Variants in ROBO2 observed in about 807,000 individuals in gnomAD.
ROBO2 encodes the protein roundabout guidance receptor 2.
In ROBO2, 53 loss-of-function variants were observed where a neutral mutation model predicts 160.8. The ratio of observed to expected loss-of-function variants is 0.33; its 90% CI spans 0.26 to 0.41. The LOEUF (loss-of-function observed/expected upper bound fraction) is 0.41. Ranked by LOEUF, ROBO2 falls within the 10% of genes least tolerant of loss-of-function variation. ROBO2 has a pLI of 1.00. For synonymous variants in ROBO2, 664 were observed against 611.7 expected (o/e 1.09, Z -1.26); for missense variants, 1,577 against 1,722.4 (o/e 0.92, Z 1.49).
intron 2 of ROBO2, among the ~76,000 whole-genome samples, chr3:77,022,807 A>G (rs1289211251): frequency 6.6e-6 from 1 of 152,202 alleles, no homozygotes. Context: ...CATAAAATTT[A>G]CCATTTTAAC....
At chr3:77,478,699 C>T (rs1339434370) in intron 3 of ROBO2, among the ~76,000 whole-genome samples, 1 of 151,952 alleles carries the variant, frequency 6.6e-6, no homozygotes, top group Non-Finnish European at 1.5e-5. Flanking sequence ...AATAAATGTG[C>T]CATTTTAATA....
chr3:76,289,176 A>G (rs1193797620), intron 2 of ROBO2, among the ~76,000 whole-genome samples: 2 of 152,124 alleles, frequency 1.3e-5, no homozygotes, highest in African/African-American at 2.4e-5. Context: ...TGACCCTTTA[A>G]TTATAGCCAT....
At chr3:76,433,659 C>G (rs1384976205) in intron 2 of ROBO2, among the ~76,000 whole-genome samples, 1 of 152,128 alleles carries the variant, frequency 6.6e-6, no homozygotes, top group Non-Finnish European at 1.5e-5. Context: ...AAGAAGATGA[C>G]AGAACAATTG....
intron 2 of ROBO2, among the ~76,000 whole-genome samples, chr3:76,117,721 C>A (rs2070535723): frequency 6.6e-6 from 1 of 152,246 alleles, no homozygotes; most frequent in African/African-American, 2.4e-5. Context: ...ATTCTATGTT[C>A]CCTGCTCTTC....
chr3:76,646,298 C>T (rs1251184345), intron 2 of ROBO2, among the ~76,000 whole-genome samples: 8 of 152,064 alleles, frequency 5.3e-5, no homozygotes, highest in Non-Finnish European at 1.2e-4. Context: ...AGAAAGCCAA[C>T]GCCGATGCAG....
At chr3:77,577,960 G>A (rs2093812095) in intron 15 of ROBO2, among the ~76,000 whole-genome samples, 1 of 152,010 alleles carries the variant, frequency 6.6e-6, no homozygotes. Context: ...CTGCATAAGA[G>A]GCTTTAAGGC....
chr3:76,425,427 C>T (rs1467704938), intron 2 of ROBO2, among the ~76,000 whole-genome samples: 1 of 151,852 alleles, frequency 6.6e-6, no homozygotes, highest in Non-Finnish European at 1.5e-5. Flanking sequence ...CATTTTAACA[C>T]CTGTAATTAC....
At chr3:77,018,452 A>T (rs2149493770) in intron 2 of ROBO2, among the ~76,000 whole-genome samples, 1 of 152,330 alleles carries the variant, frequency 6.6e-6, no homozygotes, top group East Asian at 1.9e-4. Flanking sequence ...GTATTTTAAA[A>T]GAATTCTATA....
chr3:75,970,050 T>A (rs924604310), intron 2 of ROBO2, among the ~76,000 whole-genome samples: 3 of 151,474 alleles, frequency 2.0e-5, no homozygotes, highest in Non-Finnish European at 3.0e-5. Context: ...CCACCTTGAG[T>A]TGGTTTTGTG....
chr3:77,595,282 A>G, intron 18 of ROBO2, 98 bp downstream of exon 19: 2 of 933,848 alleles, frequency 2.1e-6, no homozygotes, highest in Non-Finnish European at 3.3e-6. Context: ...TGATCACTTA[A>G]AAGTCTGAGA....
chr3:76,010,124 A>G (rs1468591004), intron 2 of ROBO2, among the ~76,000 whole-genome samples: 2 of 152,248 alleles, frequency 1.3e-5, no homozygotes. Flanking sequence ...AAAACTTAAT[A>G]AAAATGTCAA....
At chr3:76,519,251 G>A (rs2081482407) in intron 2 of ROBO2, among the ~76,000 whole-genome samples, 1 of 152,172 alleles carries the variant, frequency 6.6e-6, no homozygotes, top group Non-Finnish European at 1.5e-5. Context: ...TGTGAACAAA[G>A]TTTTACTGGA....
chr3:75,993,628 C>G (rs2065635348), intron 2 of ROBO2, among the ~76,000 whole-genome samples: 2 of 152,126 alleles, frequency 1.3e-5, no homozygotes, highest in Admixed American at 1.3e-4. Flanking sequence ...TAGGTGGAAA[C>G]TGTACCAGCT....
chr3:76,694,690 AC>A (rs2107308084), intron 2 of ROBO2, among the ~76,000 whole-genome samples: 1 of 152,254 alleles, frequency 6.6e-6, no homozygotes, highest in African/African-American at 2.4e-5. Flanking sequence ...GTAAACATAA[AC>A]TTCTAATATA....
chr3:76,726,115 T>G (rs778855105), intron 2 of ROBO2, among the ~76,000 whole-genome samples: 2 of 152,138 alleles, frequency 1.3e-5, no homozygotes, highest in Admixed American at 6.5e-5. Flanking sequence ...AGTAAATTAC[T>G]TCAAAGAAAA....
At chr3:77,152,186 TAC>T (rs1380698883) in intron 2 of ROBO2, among the ~76,000 whole-genome samples, 1 of 152,150 alleles carries the variant, frequency 6.6e-6, no homozygotes, top group Non-Finnish European at 1.5e-5. Flanking sequence ...TCTTCTTATT[TAC>T]AGTTTGCTGG....
At chr3:76,986,996 T>C (rs2060415072) in intron 2 of ROBO2, among the ~76,000 whole-genome samples, 3 of 152,192 alleles carry the variant, frequency 2.0e-5, no homozygotes, top group Admixed American at 2.0e-4. Context: ...CACATCTTAT[T>C]GACAATAAAA....
chr3:76,544,306 T>C (rs916931065), intron 2 of ROBO2, among the ~76,000 whole-genome samples: 1 of 152,132 alleles, frequency 6.6e-6, no homozygotes, highest in East Asian at 1.9e-4. Context: ...TCTTTAAAGG[T>C]TGATTTCACC....
chr3:76,833,014 G>A (rs1197404003), intron 2 of ROBO2, among the ~76,000 whole-genome samples: 1 of 152,048 alleles, frequency 6.6e-6, no homozygotes, highest in Non-Finnish European at 1.5e-5. Flanking sequence ...ATTTTAGGGA[G>A]AAAAAATTAT....
Sources: allele counts gnomAD v4.1 joint callset (sites outside exome capture counted in the v4.1 genomes callset), GRCh38; gene constraint gnomAD v4.1.1; transcripts MANE v1.5; gene names NCBI Gene and HGNC (gene_info 2026-07-23, HGNC 2026-07-21).